The following KAZN variants were observed in gnomAD, a reference collection of about 807,000 sequenced individuals.
KAZN encodes the protein kazrin.
In KAZN, 40 loss-of-function variants were observed where a neutral mutation model predicts 87.4. That is an observed-to-expected ratio of 0.46 (90% CI 0.36 to 0.60). The LOEUF (loss-of-function observed/expected upper bound fraction) is 0.60, where lower values mean the gene tolerates loss of function less well. KAZN is among the 20% of genes least tolerant of loss of function. The pLI is 0.00. For missense variants in KAZN, 898 were observed against 1,073.9 expected, an observed-to-expected ratio of 0.84 and a Z score of 2.29; for synonymous variants, 466 against 458.3, an observed-to-expected ratio of 1.02 and a Z score of -0.22.
intron 2 of KAZN, among the ~76,000 whole-genome samples, chr1:14,345,856 A>T (rs1658069497): frequency 6.6e-6 from 1 of 152,218 alleles, no homozygotes; most frequent in South Asian, 2.1e-4. Context: ...TGGAGGGATA[A>T]GCATACTATT....
chr1:14,143,585 G>A (rs1053531227), intron 1 of KAZN, among the ~76,000 whole-genome samples: 1 of 152,154 alleles, frequency 6.6e-6, no homozygotes, highest in Non-Finnish European at 1.5e-5. Context: ...ATTATGTTGA[G>A]TTTCTGTTGA....
intron 1 of KAZN, among the ~76,000 whole-genome samples, chr1:14,109,893 T>C (rs1644463987): frequency 9.9e-6 from 1 of 101,458 alleles, no homozygotes. Context: ...AAAAATCTGT[T>C]CTAAAAGGAT....
At chr1:14,934,108 G>T (rs1660167958) in intron 1 of KAZN, among the ~76,000 whole-genome samples, 1 of 151,956 alleles carries the variant, frequency 6.6e-6, no homozygotes, top group African/African-American at 2.4e-5. Flanking sequence ...GCCCGCCTCG[G>T]CCTCCCAAAG....
intron 2 of KAZN, among the ~76,000 whole-genome samples, chr1:14,373,198 A>AAT (rs58491688): frequency 0.015 from 2,233 of 149,116 alleles, 54 homozygotes; most frequent in African/African-American, 0.046. Flanking sequence ...TGAAAAACTG[A>AAT]ATATATATAT....
intron 2 of KAZN, among the ~76,000 whole-genome samples, chr1:14,206,592 T>A (rs892494150): frequency 2.0e-5 from 3 of 151,794 alleles, no homozygotes; most frequent in South Asian, 2.1e-4. Flanking sequence ...ACAAGTGTTT[T>A]AAAAAAAATA....
intron 2 of KAZN, among the ~76,000 whole-genome samples, chr1:14,539,632 TAGA>T (rs1300133452): frequency 6.6e-6 from 1 of 152,144 alleles, no homozygotes; most frequent in African/African-American, 2.4e-5. Context: ...ATAAGACCCC[TAGA>T]TATTTTTGTA....
chr1:14,958,911 G>A (rs1021841511), intron 1 of KAZN, among the ~76,000 whole-genome samples: 2 of 152,120 alleles, frequency 1.3e-5, no homozygotes, highest in Non-Finnish European at 2.9e-5. Flanking sequence ...TGAGTGCGGC[G>A]CCTTCGTCTG....
Position 14,467,247 on chromosome 1 carries a change from A to G in KAZN, c.250-131736A>G, listed in dbSNP as rs559074057. On this transcript the variant is annotated intron_variant, in intron 2 of 16. Transcript: ENST00000636203. ...TGTATACTGTTAAAATTAATTTAGC[A>G]TTAATTTGAATTAGATTGTTTTAAG... 1.4e-4 allele frequency among the ~76,000 whole-genome samples: 22 copies of G among 152,188 alleles called. 1 individual carries two copies. In the South Asian group the frequency reaches 4.6e-3, roughly 32 times the overall value.
chr1:14,296,533 T>A (rs1374786988), intron 2 of KAZN, among the ~76,000 whole-genome samples: 1 of 152,172 alleles, frequency 6.6e-6, no homozygotes, highest in Non-Finnish European at 1.5e-5. Flanking sequence ...TGAGCCCTTA[T>A]TATTGTTCAT....
At chr1:13,895,228 G>A (rs534526426) in intron 1 of KAZN, among the ~76,000 whole-genome samples, 1 of 152,150 alleles carries the variant, frequency 6.6e-6, no homozygotes, top group Non-Finnish European at 1.5e-5. Context: ...TGTCCAGAAG[G>A]TTGAAAATCT....
Position 15,094,951 on chromosome 1 carries a change from G to C in KAZN, c.1547+18G>C. Reference sequence around the variant, plus strand: ...GGCCGCAGGTGAGCCCACCACGAGGGGCCCCGGGGGAGGAGAGAAAAAGTC... The same window carrying C: ...GGCCGCAGGTGAGCCCACCACGAGGCGCCCCGGGGGAGGAGAGAAAAAGTC... On this transcript the variant is annotated intron_variant, in intron 10 of 14. Transcript: ENST00000376030. The surrounding 1 kb of genome is among the most constrained non-coding windows in gnomAD (Gnocchi z 4.5). The C allele has an allele frequency of 1.3e-6, 2 of 1,527,618 alleles. No homozygotes were observed. Among genetic ancestry groups the C allele is most frequent in the Non-Finnish European group, 1.8e-6 (2 of 1,126,986 alleles). The allele number at this position is 1,527,618 out of a possible 1,614,324, so 94.6% of individuals were successfully genotyped here.
chr1:14,779,552 T>C (rs1035818123), intron 1 of KAZN, among the ~76,000 whole-genome samples: 1 of 151,408 alleles, frequency 6.6e-6, no homozygotes, highest in Non-Finnish European at 1.5e-5. Flanking sequence ...GCCCCTGACC[T>C]CGCAGAAATA....
chr1:14,047,793 G>A (rs1011243483), intron 1 of KAZN, among the ~76,000 whole-genome samples: 12 of 151,936 alleles, frequency 7.9e-5, no homozygotes, highest in Non-Finnish European at 7.4e-5. Flanking sequence ...ACTTGAGCAC[G>A]GGAGGTGGAG....
chr1:14,462,649 T>C (rs961401100), intron 2 of KAZN, among the ~76,000 whole-genome samples: 3 of 152,154 alleles, frequency 2.0e-5, no homozygotes, highest in African/African-American at 7.2e-5. Context: ...CAATTTCACA[T>C]GGCTGGAGAG....
intron 1 of KAZN, among the ~76,000 whole-genome samples, chr1:14,925,432 CG>C (rs1310972655): frequency 1.3e-5 from 2 of 152,346 alleles, no homozygotes; most frequent in Non-Finnish European, 2.9e-5. Context: ...CCTTATTCAT[CG>C]AACACCTATT....
At position 15,081,106 on chromosome 1, in the gene KAZN, G is replaced by A. The variant is rs1639984968; in HGVS notation, c.1223-13074G>A. Among the ~76,000 whole-genome samples the A allele has an allele frequency of 6.6e-6, 1 of 152,238 alleles. No homozygotes were observed. Among genetic ancestry groups the A allele is most frequent in the Admixed American group, 6.5e-5 (1 of 15,286 alleles). ...CGTGGACGAGGCGGGGTTGGCAGAA[G>A]ATGAGACCACAGAGGAAGGCCTGCT... is the stretch of plus-strand genomic sequence containing the variant. On this transcript the variant is annotated intron_variant, in intron 8 of 14. Coordinates refer to ENST00000376030, the MANE Select transcript of KAZN (RefSeq NM_201628.3). The surrounding 1 kb of genome is among the most constrained non-coding windows in gnomAD (Gnocchi z 4.1).
rs766202452 is a variant in KAZN at position 14,599,002 on chromosome 1, T to C, written c.5T>C (p.Met2Thr). 1 of 1,571,192 alleles carries C rather than the reference T, an allele frequency of 6.4e-7. No homozygotes were observed. The highest frequency in any genetic ancestry group is 8.6e-7 in the Non-Finnish European group (1 of 1,162,298). The change falls in exon 1 of 15, where the codon ATG becomes ACG. Residue 2 changes from methionine (M) to threonine (T), a missense_variant. Met to Thr is a moderately conservative substitution (Grantham distance 81, BLOSUM62 -1). Around this residue, in one of 3 missense-constraint regions of KAZN, gnomAD observed 250 missense variants for 263.0 expected, o/e 0.95. Transcript: ENST00000376030. This position sits in a 1 kb window ranked among gnomAD's most constrained non-coding sequence, Gnocchi z 4.4. Reference protein sequence around the residue: MMEDNKQLALRI... With the variant: MTEDNKQLALRI... ...CCCCAGGCCAAAATCCTGAGCATGA[T>C]GGAAGACAATAAGCAGCTCGCGCTC...
chr1:14,226,181 A>C (rs974156259), intron 2 of KAZN, among the ~76,000 whole-genome samples: 3 of 152,240 alleles, frequency 2.0e-5, no homozygotes, highest in African/African-American at 7.2e-5. Flanking sequence ...AATATCCAGA[A>C]TCTATAAGGA....
At chr1:14,846,880 A>G (rs996935023) in intron 1 of KAZN, among the ~76,000 whole-genome samples, 7 of 152,300 alleles carry the variant, frequency 4.6e-5, no homozygotes, top group African/African-American at 1.7e-4. Flanking sequence ...TTGAGGCCAC[A>G]CAGCCAGCAA....
Sources: gnomAD v4.1 joint callset for allele counts (sites outside exome capture counted in the v4.1 genomes callset) on GRCh38, gnomAD v4.1.1 for gene constraint, gnomAD v4.1.1 regional missense constraint, Gnocchi (gnomAD v3.1) non-coding constraint, MANE v1.5 for transcripts, NCBI Gene and HGNC (gene_info 2026-07-23, HGNC 2026-07-21) for gene names.